ACO1: variants seen among roughly 807,000 people sequenced by gnomAD.
ACO1 encodes cytoplasmic aconitate hydratase.
In ACO1, 78 loss-of-function variants were observed where a neutral mutation model predicts 105.1. The ratio of observed to expected loss-of-function variants is 0.74; its 90% confidence interval spans 0.62 to 0.90. The LOEUF is 0.90. ACO1 is among the 40% of genes least tolerant of loss of function. The probability of loss-of-function intolerance (pLI) is 0.00; values close to 1 mark genes in which losing one functional copy is unlikely to be tolerated. For synonymous variants in ACO1, 364 were observed against 397.4 expected, an observed-to-expected ratio of 0.92 and a Z score of 1.00; for missense variants, 965 against 1,111.1, an observed-to-expected ratio of 0.87 and a Z score of 1.87.
chr9:32,449,966 C>G (rs905744337), intron 20 of ACO1, 32 bp from the exon 21 acceptor site: 1 of 1,584,016 alleles, frequency 6.3e-7, no homozygotes, highest in Non-Finnish European at 8.7e-7. Flanking sequence ...CGCCACCTCC[C>G]TCAATGATGC....
chr9:32,396,513 C>T (rs549467561), intron 1 of ACO1, among the ~76,000 whole-genome samples: 1 of 152,318 alleles, frequency 6.6e-6, no homozygotes, highest in East Asian at 1.9e-4. Flanking sequence ...CCTTGGCCTT[C>T]CTTAGACCCA....
intron 16 of ACO1, 56 bp downstream of exon 16, chr9:32,433,888 A>G: frequency 7.4e-7 from 1 of 1,360,542 alleles, no homozygotes; most frequent in Non-Finnish European, 1.0e-6. Flanking sequence ...CTTTCCTAAT[A>G]ATATCTACTT....
At position 32,450,187 on chromosome 9, in the gene ACO1, C is replaced by T. The variant is rs1490597669; in HGVS notation, c.*76C>T. On this transcript the variant is annotated 3_prime_UTR_variant, in exon 21 of 21. Coordinates refer to ENST00000309951, the MANE Select transcript of ACO1 (RefSeq NM_002197.3). ...GCGCAGGCCCTGGTGGAGAGGCCTC[C>T]CTGGCTGCCTCTGGGAGGGGTGCTG... The T allele has an allele frequency of 8.3e-7, 1 of 1,203,466 alleles. No individual in the cohort carries two copies. The highest frequency in any genetic ancestry group is 1.7e-5 in the Admixed American group (1 of 58,944). 74.5% of individuals were successfully genotyped at this position (1,203,466 alleles called of 1,614,324 possible). A position where few individuals can be genotyped will look rare whatever the true frequency, so the allele number is the denominator to read the frequency against.
chr9:32,413,010 C>T (rs1821773580), intron 4 of ACO1, among the ~76,000 whole-genome samples: 3 of 152,078 alleles, frequency 2.0e-5, no homozygotes, highest in South Asian at 2.1e-4. Flanking sequence ...CTTGGGTCAT[C>T]ACCAAGTTCA....
intron 10 of ACO1, 80 bp downstream of exon 10, chr9:32,424,745 C>A: frequency 1.1e-6 from 1 of 937,332 alleles, no homozygotes; most frequent in Non-Finnish European, 1.7e-6. Flanking sequence ...TTTCATCCCA[C>A]TTGACATGAA....
intron 1 of ACO1, among the ~76,000 whole-genome samples, chr9:32,393,267 G>A (rs759551658): frequency 4.6e-5 from 7 of 152,112 alleles, no homozygotes; most frequent in Admixed American, 1.3e-4. Flanking sequence ...AAGAGAATGC[G>A]TCCCTGAGGG....
intron 18 of ACO1, 100 bp from the exon 19 acceptor site, chr9:32,440,365 T>C (rs1822449849): frequency 7.9e-6 from 11 of 1,386,466 alleles, no homozygotes; most frequent in Middle Eastern, 2.0e-4. Context: ...GATTTGGCCA[T>C]CTGCAAACCC....
chr9:32,404,923 T>C (rs190795972), intron 1 of ACO1, among the ~76,000 whole-genome samples: 25 of 152,326 alleles, frequency 1.6e-4, no homozygotes, highest in Non-Finnish European at 3.1e-4. Flanking sequence ...CCCTGGATAA[T>C]TCTAATGCAG....
intron 4 of ACO1, among the ~76,000 whole-genome samples, chr9:32,415,793 TCAG>T (rs1264395019): frequency 6.6e-6 from 1 of 152,140 alleles, no homozygotes. Flanking sequence ...CAGGCAGGGA[TCAG>T]CAGACTTTTT....
At position 32,384,755 on chromosome 9, in the gene ACO1, G is replaced by T. The variant is rs1324836915; in HGVS notation, c.-23+20G>T. The T allele has an allele frequency of 5.3e-6, 2 of 378,560 alleles. No homozygotes were observed. Among genetic ancestry groups the T allele is most frequent in the Non-Finnish European group, 1.1e-5 (2 of 186,122 alleles). The allele number at this position is 378,560 out of a possible 1,614,324, so 23.5% of individuals were successfully genotyped here. On this transcript the variant is annotated intron_variant, in intron 1 of 20. Coordinates refer to ENST00000309951, the MANE Select transcript of ACO1 (RefSeq NM_002197.3). ...TCGGAGGTGAGTACCGACGCGGCCCGACCCACGTCCCCAGGCGGGAGCGCC... is the reference window on the plus strand; with the variant it reads ...TCGGAGGTGAGTACCGACGCGGCCCTACCCACGTCCCCAGGCGGGAGCGCC...
At chr9:32,426,520 C>T (rs146304161) in intron 11 of ACO1, among the ~76,000 whole-genome samples, 16 of 152,278 alleles carry the variant, frequency 1.1e-4, no homozygotes, top group Admixed American at 2.0e-4. Flanking sequence ...AGTTTTTAGT[C>T]ATCCCCAAAG....
intron 1 of ACO1, among the ~76,000 whole-genome samples, chr9:32,393,863 T>C (rs1393049472): frequency 1.3e-5 from 2 of 152,172 alleles, no homozygotes; most frequent in East Asian, 1.9e-4. Context: ...CCTTGTCTTA[T>C]TGACTGTAAT....
At chr9:32,448,836 A>C (rs781316329) in intron 19 of ACO1, 60 bp from the exon 20 acceptor site, 120 of 1,593,166 alleles carry the variant, frequency 7.5e-5, no homozygotes, top group Non-Finnish European at 1.0e-4. Context: ...GTCTTTTGTA[A>C]ACCTGTGTAT....
intron 18 of ACO1, among the ~76,000 whole-genome samples, chr9:32,437,274 T>A (rs1349297166): frequency 6.6e-6 from 1 of 152,054 alleles, no homozygotes; most frequent in East Asian, 1.9e-4. Context: ...CATAAAGAGG[T>A]CATATTACTC....
Position 32,418,506 on chromosome 9 carries a change from G to C in ACO1, c.653G>C (p.Gly218Ala). ...ATGATTGATGGCTTGGGCATTCTTG[G>C]TTGGGGTGAGTGTTCTTCCATATAT... Reference protein sequence around the residue: ...TTMIDGLGILGWGVGGIEAEA... With the variant: ...TTMIDGLGILAWGVGGIEAEA... Residue 218 changes from glycine to alanine, a missense_variant, in exon 6 of 21, where the codon GGT (glycine) becomes GCT (alanine). By Grantham distance (60) the Gly-to-Ala change is moderately conservative. Transcript: ENST00000309951. 6.2e-7 allele frequency: 1 copy of C among 1,611,910 alleles called. No homozygotes were observed. The highest frequency in any genetic ancestry group is 1.3e-5 in the African/African-American group (1 of 75,030).
At chr9:32,443,086 C>T (rs543273648) in intron 19 of ACO1, among the ~76,000 whole-genome samples, 17 of 151,802 alleles carry the variant, frequency 1.1e-4, no homozygotes, top group South Asian at 4.2e-4. Flanking sequence ...TAACAATCAC[C>T]GGCTCAAGAA....
At chr9:32,390,275 A>G (rs2118328699) in intron 1 of ACO1, among the ~76,000 whole-genome samples, 1 of 152,336 alleles carries the variant, frequency 6.6e-6, no homozygotes, top group South Asian at 2.1e-4. Context: ...GCCATACTGA[A>G]CTGCTGAGGA....
chr9:32,392,716 T>A (rs2118339520), intron 1 of ACO1, among the ~76,000 whole-genome samples: 2 of 152,304 alleles, frequency 1.3e-5, no homozygotes, highest in South Asian at 4.1e-4. Context: ...CCCCAGCCCA[T>A]CCTGCTTTCA....
At chr9:32,436,506 A>C (rs1822365470) in intron 18 of ACO1, 109 bp downstream of exon 18, 2 of 1,277,812 alleles carry the variant, frequency 1.6e-6, no homozygotes, top group Non-Finnish European at 2.2e-6. Flanking sequence ...TCACAGCTCC[A>C]TCCTACCCTA....
Sources: allele counts gnomAD v4.1 joint callset (sites outside exome capture counted in the v4.1 genomes callset), GRCh38; gene constraint gnomAD v4.1.1; transcripts MANE v1.5; gene names NCBI Gene and HGNC (gene_info 2026-07-23, HGNC 2026-07-21).